The following MITF variants were observed in gnomAD, a reference collection of about 807,000 sequenced individuals.
MITF encodes melanocyte inducing transcription factor.
In MITF, 17 loss-of-function variants were observed where a neutral mutation model predicts 60.5. The observed-to-expected ratio is 0.28, with a 90% CI of 0.19 to 0.42. MITF has a LOEUF of 0.42. Ranked by LOEUF, MITF falls within the 10% of genes least tolerant of loss-of-function variation. The pLI is 1.00. For synonymous variants in MITF, 260 were observed against 248.5 expected, an observed-to-expected ratio of 1.05 and a Z score of -0.43; for missense variants, 622 against 683.5, an observed-to-expected ratio of 0.91 and a Z score of 1.00.
chr3:69,925,869 CT>C (rs34306956), intron 2 of MITF, among the ~76,000 whole-genome samples: 1 of 152,152 alleles, frequency 6.6e-6, no homozygotes, highest in African/African-American at 2.4e-5. Context: ...TTGCAATGGC[CT>C]TTTTTTCTCT....
chr3:69,932,729 C>T lies in MITF; in HGVS notation c.355-5093C>T, dbSNP rs534386280. On this transcript the variant is annotated intron_variant, in intron 2 of 9. Transcript: ENST00000352241. ...CTTTTGTGGTAATGTAATTGTGGGA[C>T]TGAAAAGAACCTCGACACTTAATCA... 2.6e-5 allele frequency among the ~76,000 whole-genome samples: 4 copies of T among 152,200 alleles called. No homozygotes were observed. The East Asian group carries it at 7.7e-4, about 29-fold the overall frequency.
chr3:69,965,222 A>G lies in MITF; in HGVS notation c.1555A>G (p.Met519Val). The part of the protein sequence containing the change: ...KTSSRRSSMS[M>V]EETEHTC ...AAGCAGCCGGAGGAGCAGTATGAGC[A>G]TGGAAGAGACGGAGCACACTTGTTA... The change falls in exon 10 of 10, where the codon ATG becomes GTG. Residue 519 changes from methionine (M) to valine (V), a missense_variant. This residue lies in a region of MITF where 224 missense variants were observed against 209.5 expected (regional missense o/e 1.07). Transcript: ENST00000352241. 1 of 1,613,984 alleles carries G rather than the reference A, an allele frequency of 6.2e-7. No homozygotes were observed.
chr3:69,828,945 AGTGTGTGTGTGT>A (rs3044611), intron 1 of MITF, among the ~76,000 whole-genome samples: 5 of 149,964 alleles, frequency 3.3e-5, no homozygotes. Flanking sequence ...ATATCGTGTG[AGTGTGTGTGTGT>A]GTGTGTGTGT....
In MITF at chr3:69,921,051, G is replaced by T. The variant is rs138343145; in HGVS notation, c.355-16771G>T. On this transcript the variant is annotated intron_variant, in intron 2 of 9. Coordinates refer to ENST00000352241, the MANE Select transcript of MITF (RefSeq NM_001354604.2). ...CCCAGATAATTTTTTTGTAGTTTTA[G>T]TAGAGACAGGGTTTCACCATGTTGG... Among the ~76,000 whole-genome samples the T allele has an allele frequency of 2.5e-3, 378 of 152,302 alleles. 4 individuals are homozygous for T. In the East Asian group the frequency reaches 0.026, roughly 10 times the overall value.
At chr3:69,933,953 C>T (rs1165429613) in intron 2 of MITF, among the ~76,000 whole-genome samples, 3 of 152,098 alleles carry the variant, frequency 2.0e-5, no homozygotes, top group African/African-American at 7.2e-5. Flanking sequence ...TTTAAGTTGT[C>T]AAAGGGCTAT....
chr3:69,779,820 A>G (rs1468148444), intron 1 of MITF, among the ~76,000 whole-genome samples: 1 of 152,214 alleles, frequency 6.6e-6, no homozygotes, highest in Non-Finnish European at 1.5e-5. Flanking sequence ...AACATTTAGT[A>G]TAATTCACAA....
chr3:69,813,916 G>C (rs527950779), intron 1 of MITF, among the ~76,000 whole-genome samples: 1 of 152,098 alleles, frequency 6.6e-6, no homozygotes, highest in Non-Finnish European at 1.5e-5. Flanking sequence ...ACTTAATGGA[G>C]GGCCACTAGG....
intron 1 of MITF, among the ~76,000 whole-genome samples, chr3:69,828,787 G>A (rs111339493): frequency 0.013 from 1,908 of 152,196 alleles, 41 homozygotes; most frequent in African/African-American, 0.043. Context: ...ACATATTCCT[G>A]GAGTCTGACA....
At chr3:69,822,134 C>G (rs945089064) in intron 1 of MITF, among the ~76,000 whole-genome samples, 1 of 152,196 alleles carries the variant, frequency 6.6e-6, no homozygotes, top group Non-Finnish European at 1.5e-5. Flanking sequence ...CAAAGGTCTA[C>G]AAACTATAAA....
chr3:69,822,968 G>A (rs890083738), intron 1 of MITF, among the ~76,000 whole-genome samples: 3 of 150,952 alleles, frequency 2.0e-5, no homozygotes, highest in South Asian at 2.1e-4. Flanking sequence ...GTGCAATCTC[G>A]GCTCACTGCA....
chr3:69,819,039 TAA>T (rs1341280901), intron 1 of MITF, among the ~76,000 whole-genome samples: 1 of 152,192 alleles, frequency 6.6e-6, no homozygotes, highest in Non-Finnish European at 1.5e-5. Context: ...AAAACTTTAA[TAA>T]GATTCACCTT....
intron 8 of MITF, among the ~76,000 whole-genome samples, chr3:69,958,770 A>G (rs1017206383): frequency 1.3e-5 from 2 of 152,094 alleles, no homozygotes; most frequent in African/African-American, 4.8e-5. Flanking sequence ...TGACTCTGCC[A>G]TATAGTACTG....
chr3:69,807,333 T>A (rs1308273892), intron 1 of MITF, among the ~76,000 whole-genome samples: 2 of 152,226 alleles, frequency 1.3e-5, no homozygotes, highest in Non-Finnish European at 2.9e-5. Flanking sequence ...ACTTCTTTAA[T>A]CTGATTAATG....
At chr3:69,885,955 G>A (rs2064605909) in intron 2 of MITF, among the ~76,000 whole-genome samples, 1 of 152,090 alleles carries the variant, frequency 6.6e-6, no homozygotes, top group Admixed American at 6.6e-5. Flanking sequence ...CCATTGCTCT[G>A]TGAGGTAGTT....
At chr3:69,934,079 G>T (rs2065780190) in intron 2 of MITF, among the ~76,000 whole-genome samples, 1 of 152,162 alleles carries the variant, frequency 6.6e-6, no homozygotes, top group Admixed American at 6.5e-5. Context: ...CCTGTCCACA[G>T]TGGGGAGTGA....
chr3:69,807,141 TAA>T (rs958004195), intron 1 of MITF, among the ~76,000 whole-genome samples: 3 of 152,196 alleles, frequency 2.0e-5, no homozygotes, highest in African/African-American at 7.2e-5. Context: ...TATTCTCTCT[TAA>T]GTTACATGAT....
At chr3:69,875,173 A>G (rs868099327) in intron 1 of MITF, among the ~76,000 whole-genome samples, 6 of 152,320 alleles carry the variant, frequency 3.9e-5, no homozygotes, top group Middle Eastern at 6.8e-3. Context: ...CTTGAGTCCA[A>G]TCGGTGGCCC....
intron 1 of MITF, among the ~76,000 whole-genome samples, chr3:69,823,106 T>C (rs572371400): frequency 1.3e-5 from 2 of 152,298 alleles, no homozygotes; most frequent in South Asian, 2.1e-4. Flanking sequence ...CTCGAACTCC[T>C]GACCTCAGGT....
rs187294790 is a variant in MITF, at chr3:69,787,765, G to A, written c.104+48064G>A. ...ATGTTTTAATACATAAAAGATTCCT[G>A]TTTTCACATGGATCTCCTACGTGTC... On this transcript the variant is annotated intron_variant, in intron 1 of 9. Coordinates refer to ENST00000352241, the MANE Select transcript of MITF (RefSeq NM_001354604.2). Among the ~76,000 whole-genome samples the A allele has an allele frequency of 2.0e-5, 3 of 152,086 alleles. No individual in the cohort carries two copies. The East Asian group carries it at 5.8e-4, about 29-fold the overall frequency.
Sources: allele counts gnomAD v4.1 joint callset (sites outside exome capture counted in the v4.1 genomes callset), GRCh38; gene constraint gnomAD v4.1.1; regional missense constraint gnomAD v4.1.1; transcripts MANE v1.5; gene names NCBI Gene and HGNC (gene_info 2026-07-23, HGNC 2026-07-21).